Variants in AHCTF1 observed in about 807,000 individuals in gnomAD.
AHCTF1 encodes the protein AT-hook containing transcription factor 1, also known as protein ELYS.
In AHCTF1, 24 loss-of-function variants were observed where a neutral mutation model predicts 248.4. The ratio of observed to expected loss-of-function variants is 0.10; its 90% CI spans 0.07 to 0.14. AHCTF1 has a LOEUF of 0.14. Among genes scored for constraint, AHCTF1 ranks in the 10% least tolerant of loss-of-function variants. The probability of loss-of-function intolerance (pLI) is 1.00; values close to 1 mark genes in which losing one functional copy is unlikely to be tolerated. For synonymous variants in AHCTF1, 786 were observed against 929.8 expected (o/e 0.85, Z 2.81); for missense variants, 2,206 against 2,636.2 (o/e 0.84, Z 3.57).
rs1408856155 is a variant in AHCTF1, at chr1:246,877,336, A to G, written c.2661-34T>C. ...AGTATTTATCAAAGTTTAGTTTTAG[A>G]AAAAGCTATTTAAATGTACAAAACA... On this transcript the variant is annotated intron_variant, in intron 21 of 35. Transcript: ENST00000648844. 3 of 1,525,706 alleles carry G rather than the reference A, an allele frequency of 2.0e-6. No homozygotes were observed. In the South Asian group the frequency reaches 3.9e-5, roughly 20 times the overall value. The allele number at this position is 1,525,706 out of a possible 1,614,324, so 94.5% of individuals were successfully genotyped here.
chr1:246,845,876 C>A (rs534812893), intron 33 of AHCTF1, among the ~76,000 whole-genome samples: 1 of 152,162 alleles, frequency 6.6e-6, no homozygotes, highest in Non-Finnish European at 1.5e-5. Flanking sequence ...GTGGCCAATG[C>A]AAACCATGGC....
chr1:246,902,907 C>T (rs1306784414), intron 7 of AHCTF1, among the ~76,000 whole-genome samples: 1 of 152,156 alleles, frequency 6.6e-6, no homozygotes, highest in Non-Finnish European at 1.5e-5. Context: ...AGTTATTTAA[C>T]ACAGAAGCCC....
intron 33 of AHCTF1, among the ~76,000 whole-genome samples, chr1:246,844,708 A>G (rs1308031165): frequency 6.6e-6 from 1 of 152,198 alleles, no homozygotes; most frequent in Admixed American, 6.5e-5. Flanking sequence ...TGGGTAACAG[A>G]GTGAAAAGCT....
At position 246,857,750 on chromosome 1, in the gene AHCTF1, A is replaced by G. The variant is rs879471852; in HGVS notation, c.4197T>C (p.Asn1399=). The G allele has an allele frequency of 6.2e-7, 1 of 1,614,058 alleles. No homozygotes were observed. Among genetic ancestry groups the G allele is most frequent in the East Asian group, 2.2e-5 (1 of 44,872 alleles). The change falls in exon 30 of 36, where the codon AAT becomes AAC. Residue 1399 remains asparagine, a synonymous_variant. Coordinates refer to ENST00000648844, the MANE Select transcript of AHCTF1 (RefSeq NM_001323342.2). ...LVAAEAFSEL[N]HLSPVQGTEA... ...CAGTTCCTTGAACCGGGCTTAAGTGATTCAATTCTGAAAATGCCTCTGCTG... is the reference window on the plus strand; with the variant it reads ...CAGTTCCTTGAACCGGGCTTAAGTGGTTCAATTCTGAAAATGCCTCTGCTG...
At chr1:246,851,584 C>G (rs1660724502) in intron 32 of AHCTF1, 142 bp from the exon 33 acceptor site, 1 of 676,680 alleles carries the variant, frequency 1.5e-6, no homozygotes, top group African/African-American at 1.8e-5. Flanking sequence ...TATGGGTTTA[C>G]TTTACAAAAT....
intron 10 of AHCTF1, among the ~76,000 whole-genome samples, chr1:246,899,821 C>A (rs1285470595): frequency 2.0e-5 from 3 of 151,960 alleles, no homozygotes; most frequent in African/African-American, 7.3e-5. Context: ...CTAGCAAGTT[C>A]AAAATAAGTC....
chr1:246,869,142 C>T (rs922304867), intron 24 of AHCTF1, among the ~76,000 whole-genome samples: 34 of 151,278 alleles, frequency 2.2e-4, no homozygotes, highest in South Asian at 6.2e-4. Flanking sequence ...CACGCCCGGC[C>T]GTGTGTTTTG....
At position 246,928,416 on chromosome 1, in the gene AHCTF1, A is replaced by G. The variant is rs191557274; in HGVS notation, c.-8+3162T>C. ...ATTCCTGGGCATTCGACAAGGTCAC[A>G]GTGCCTTTGGACTAACAGGTCCTAA... On this transcript the variant is annotated intron_variant, in intron 1 of 35. Coordinates refer to ENST00000648844, the MANE Select transcript of AHCTF1 (RefSeq NM_001323342.2). 6.6e-5 allele frequency among the ~76,000 whole-genome samples: 10 copies of G among 152,274 alleles called. No individual in the cohort carries two copies. In the East Asian group the frequency reaches 1.9e-3, roughly 29 times the overall value.
intron 24 of AHCTF1, among the ~76,000 whole-genome samples, chr1:246,869,121 G>T (rs146143857): frequency 6.6e-6 from 1 of 151,992 alleles, no homozygotes; most frequent in Admixed American, 6.5e-5. Flanking sequence ...TGGATTACAG[G>T]CGTGAGCCAC....
Position 246,863,971 on chromosome 1 carries a change from A to G in AHCTF1, c.3493T>C (p.Ser1165Pro). The G allele has an allele frequency of 6.2e-7, 1 of 1,614,146 alleles. No homozygotes were observed. Among genetic ancestry groups the G allele is most frequent in the East Asian group, 2.2e-5 (1 of 44,880 alleles). ...AGCAAATGTAATTCTGAAGCCCTGG[A>G]GATGGCCTGAGGCGATCCTTTTAAT... ...SQLKGSPQAI[S>P]RASELHLLET... Residue 1165 changes from serine to proline, a missense_variant, in exon 27 of 36, where the codon TCC becomes CCC. This residue lies in a region of AHCTF1 where 955 missense variants were observed against 1,055.6 expected (regional missense o/e 0.90). Transcript: ENST00000648844.
At position 246,931,199 on chromosome 1, in the gene AHCTF1, T is replaced by G. The variant is rs752738277; in HGVS notation, c.-8+379A>C. The G allele has an allele frequency of 9.0e-6, 14 of 1,549,796 alleles. No homozygotes were observed. The South Asian group carries it at 1.7e-4, about 18-fold the overall frequency. The stretch of plus-strand genomic sequence containing the variant: ...AGGCTCAGCACGCCGGCCGCTTCCC[T>G]CGGGGAAAGGCCCGCCAACGAGTCC... On this transcript the variant is annotated intron_variant, in intron 1 of 35. Coordinates refer to ENST00000648844, the MANE Select transcript of AHCTF1 (RefSeq NM_001323342.2).
chr1:246,901,698 G>A (rs776556539), intron 8 of AHCTF1, among the ~76,000 whole-genome samples: 1 of 152,116 alleles, frequency 6.6e-6, no homozygotes. Context: ...TGTGCCGGCA[G>A]TCCCAGTTAC....
chr1:246,869,038 G>C (rs1438566979), intron 24 of AHCTF1, among the ~76,000 whole-genome samples: 2 of 151,400 alleles, frequency 1.3e-5, no homozygotes, highest in Non-Finnish European at 2.9e-5. Context: ...TAGAGACGGG[G>C]TTTCACCATG....
At chr1:246,927,909 A>G (rs1229428390) in intron 1 of AHCTF1, among the ~76,000 whole-genome samples, 1 of 152,136 alleles carries the variant, frequency 6.6e-6, no homozygotes, top group East Asian at 1.9e-4. Flanking sequence ...CTGAGGCAGG[A>G]GAATCGCTTG....
At chr1:246,845,388 A>G (rs1660184239) in intron 33 of AHCTF1, among the ~76,000 whole-genome samples, 1 of 152,154 alleles carries the variant, frequency 6.6e-6, no homozygotes, top group Admixed American at 6.5e-5. Flanking sequence ...AATAGAGTTG[A>G]TATCAGATAT....
intron 14 of AHCTF1, 45 bp downstream of exon 14, chr1:246,894,614 T>A (rs765401686): frequency 6.9e-7 from 1 of 1,450,730 alleles, no homozygotes; most frequent in Non-Finnish European, 9.6e-7. Flanking sequence ...AAGGTTAGTA[T>A]TTTAATATTA....
At chr1:246,894,514 G>C (rs1425843350) in intron 14 of AHCTF1, 145 bp downstream of exon 14, 7 of 670,068 alleles carry the variant, frequency 1.0e-5, no homozygotes, top group Non-Finnish European at 7.4e-6. Flanking sequence ...CTGCACTATA[G>C]CCTGGCGACA....
At chr1:246,915,355 T>C (rs1177765282) in intron 3 of AHCTF1, among the ~76,000 whole-genome samples, 2 of 152,010 alleles carry the variant, frequency 1.3e-5, no homozygotes, top group Non-Finnish European at 2.9e-5. Flanking sequence ...TACTTCACCG[T>C]TGATTTCAAA....
chr1:246,844,227 C>G (rs1660084337), intron 33 of AHCTF1, among the ~76,000 whole-genome samples: 1 of 152,166 alleles, frequency 6.6e-6, no homozygotes, highest in Non-Finnish European at 1.5e-5. Flanking sequence ...TCTTTTAATC[C>G]GTACTGCTCC....
Sources: allele counts gnomAD v4.1 joint callset (sites outside exome capture counted in the v4.1 genomes callset), GRCh38; gene constraint gnomAD v4.1.1; regional missense constraint gnomAD v4.1.1; transcripts MANE v1.5; gene names NCBI Gene and HGNC (gene_info 2026-07-23, HGNC 2026-07-21).